The following PSD3 variants were observed in gnomAD, a reference collection of about 807,000 sequenced individuals.
PSD3 encodes the protein pleckstrin and Sec7 domain containing 3, also known as PH and SEC7 domain-containing protein 3.
PSD3 carries 49 observed loss-of-function variants against 105.5 expected under a neutral mutation model. The observed-to-expected ratio is 0.46, with a 90% CI of 0.37 to 0.59. The LOEUF (loss-of-function observed/expected upper bound fraction) is 0.59, where lower values mean the gene tolerates loss of function less well. Ranked by LOEUF, PSD3 falls within the 20% of genes least tolerant of loss-of-function variation. The pLI is 0.00. For synonymous variants in PSD3, 557 were observed against 457.8 expected (o/e 1.22, Z -2.77); for missense variants, 1,561 against 1,263.8 (o/e 1.24, Z -3.57).
intron 1 of PSD3, among the ~76,000 whole-genome samples, chr8:19,050,735 T>C (rs1470780431): frequency 6.6e-6 from 1 of 152,122 alleles, no homozygotes; most frequent in African/African-American, 2.4e-5. Context: ...TACCTAATGC[T>C]AATTGACGAG....
chr8:18,674,430 T>C (rs569766063), intron 9 of PSD3, among the ~76,000 whole-genome samples: 7 of 152,234 alleles, frequency 4.6e-5, no homozygotes, highest in Non-Finnish European at 7.3e-5. Flanking sequence ...TGCTGATGTT[T>C]TGAAAAATCC....
intron 11 of PSD3, among the ~76,000 whole-genome samples, chr8:18,626,821 G>A (rs576864491): frequency 6.6e-6 from 1 of 152,054 alleles, no homozygotes; most frequent in South Asian, 2.1e-4. Context: ...GGGGAGACAG[G>A]ATTAGACGGG....
intron 11 of PSD3, among the ~76,000 whole-genome samples, chr8:18,601,981 C>G (rs976879440): frequency 2.6e-5 from 4 of 152,288 alleles, no homozygotes; most frequent in South Asian, 2.1e-4. Context: ...TCCTCCCACC[C>G]ACCAGCCCCT....
intron 11 of PSD3, among the ~76,000 whole-genome samples, chr8:18,626,544 C>G (rs1053987155): frequency 6.6e-6 from 1 of 152,104 alleles, no homozygotes; most frequent in East Asian, 1.9e-4. Flanking sequence ...TTTGGAGCTC[C>G]TATTCCAGGA....
At chr8:18,909,883 T>C (rs1214264697) in intron 2 of PSD3, among the ~76,000 whole-genome samples, 1 of 152,238 alleles carries the variant, frequency 6.6e-6, no homozygotes, top group Non-Finnish European at 1.5e-5. Flanking sequence ...TTCTATCGTA[T>C]TCCTGACATT....
chr8:18,730,553 T>C (rs1803669092), intron 9 of PSD3, among the ~76,000 whole-genome samples: 3 of 152,236 alleles, frequency 2.0e-5, no homozygotes, highest in Non-Finnish European at 2.9e-5. Context: ...AGATACACTA[T>C]ATCCATTGTT....
intron 1 of PSD3, among the ~76,000 whole-genome samples, chr8:19,077,064 G>C (rs552250696): frequency 6.6e-6 from 1 of 152,080 alleles, no homozygotes; most frequent in Non-Finnish European, 1.5e-5. Flanking sequence ...TGTTGTTATA[G>C]GATATTGGAA....
rs373439769 is a variant in PSD3, at chr8:18,801,364, G to C, written c.1929C>G (p.Phe643Leu). 1.2e-6 allele frequency: 2 copies of C among 1,600,464 alleles called. No individual in the cohort carries two copies. The highest frequency in any genetic ancestry group is 1.7e-6 in the Non-Finnish European group (2 of 1,170,584). Residue 643 changes from phenylalanine to leucine, a missense_variant, in exon 7 of 16, where the codon TTC becomes TTG. Physicochemically the swap from Phe to Leu is conservative, Grantham distance 22. Transcript: ENST00000327040. ...DQSLRYFFKA[F>L]SLVGETQERE... Reference sequence around the variant, plus strand: ...GTTCTTGAGTTTCTCCCACAAGAGAGAATGCTTTAAAGAAATACCTACAAG... The same window carrying C: ...GTTCTTGAGTTTCTCCCACAAGAGACAATGCTTTAAAGAAATACCTACAAG...
Position 18,717,319 on chromosome 8 carries a change from G to C in PSD3, c.2172+48130C>G, listed in dbSNP as rs568356588. 7.2e-5 allele frequency among the ~76,000 whole-genome samples: 11 copies of C among 151,902 alleles called. No individual in the cohort carries two copies. In the South Asian group the frequency reaches 2.3e-3, roughly 32 times the overall value. ...AGGAGCAGAACCACTTAAAAGAAAA[G>C]GTCAATTTAAAAATTGTTCCAGAAT... On this transcript the variant is annotated intron_variant, in intron 9 of 15. Transcript: ENST00000327040.
intron 2 of PSD3, among the ~76,000 whole-genome samples, chr8:18,882,450 G>A (rs1185355986): frequency 6.6e-6 from 1 of 151,982 alleles, no homozygotes; most frequent in African/African-American, 2.4e-5. Context: ...CAGAGAAAAG[G>A]GCAACAAACA....
In PSD3 at chr8:18,616,628, C is replaced by CTTTTTT. The variant is rs71217391; in HGVS notation, c.2410+15979_2410+15984dup. Among the ~76,000 whole-genome samples, 3 of 126,776 alleles carry CTTTTTT rather than the reference C, an allele frequency of 2.4e-5. 1 individual carries two copies. Among genetic ancestry groups the CTTTTTT allele is most frequent in the Non-Finnish European group, 1.6e-5 (1 of 61,138 alleles). The allele number at this position is 126,776 out of a possible 152,430, so 83.2% of individuals were successfully genotyped here. The stretch of plus-strand genomic sequence containing the variant: ...GCCTCATCTTCCTCTCTTTTCTTTT[C>CTTTTTT]TTTTTTTTTTTTTGAGACGGAGTCT... On this transcript the variant is annotated intron_variant, in intron 11 of 15. Coordinates refer to ENST00000327040, the MANE Select transcript of PSD3 (RefSeq NM_015310.4).
intron 6 of PSD3, chr8:18,804,262 A>G (rs1236308333): frequency 2.9e-6 from 1 of 339,344 alleles, no homozygotes; most frequent in African/African-American, 2.1e-5. Flanking sequence ...AATAAGGTTC[A>G]AAGGAAATGC....
chr8:18,698,205 C>A (rs991672808), intron 9 of PSD3, among the ~76,000 whole-genome samples: 1 of 152,064 alleles, frequency 6.6e-6, no homozygotes, highest in Non-Finnish European at 1.5e-5. Flanking sequence ...CTCAACTGAG[C>A]CTCCTGCTTC....
At chr8:18,607,640 G>T (rs1280966030) in intron 11 of PSD3, among the ~76,000 whole-genome samples, 1 of 135,116 alleles carries the variant, frequency 7.4e-6, no homozygotes, top group Non-Finnish European at 1.5e-5. Flanking sequence ...GGGCACGGTG[G>T]CTCACGCCTG....
intron 12 of PSD3, among the ~76,000 whole-genome samples, chr8:18,592,951 A>C (rs1234919942): frequency 6.6e-6 from 1 of 152,200 alleles, no homozygotes; most frequent in Non-Finnish European, 1.5e-5. Flanking sequence ...TCCCTTCCTT[A>C]CACCTTATAC....
chr8:18,869,646 C>G (rs1000936435), intron 3 of PSD3, among the ~76,000 whole-genome samples: 11 of 152,242 alleles, frequency 7.2e-5, no homozygotes, highest in Admixed American at 6.5e-4. Flanking sequence ...TACCCCTTCT[C>G]TGGCTGGCAA....
chr8:18,719,974 A>G (rs1161465539), intron 9 of PSD3, among the ~76,000 whole-genome samples: 1 of 152,192 alleles, frequency 6.6e-6, no homozygotes, highest in African/African-American at 2.4e-5. Context: ...CATATTTCTC[A>G]TATCGAAACC....
intron 15 of PSD3, among the ~76,000 whole-genome samples, chr8:18,553,512 C>T (rs370542460): frequency 1.3e-5 from 2 of 152,180 alleles, no homozygotes; most frequent in Non-Finnish European, 2.9e-5. Context: ...TGTCAACAAA[C>T]GTGCGTCAAT....
chr8:18,600,286 C>G, intron 12 of PSD3, 78 bp downstream of exon 12: 3 of 1,266,578 alleles, frequency 2.4e-6, no homozygotes, highest in Non-Finnish European at 3.4e-6. Flanking sequence ...ATAAGGGAGA[C>G]TACCGTACAT....
Sources: allele counts gnomAD v4.1 joint callset (sites outside exome capture counted in the v4.1 genomes callset), GRCh38; gene constraint gnomAD v4.1.1; transcripts MANE v1.5; gene names NCBI Gene and HGNC (gene_info 2026-07-23, HGNC 2026-07-21).